Variants in ATP6V1C2 observed in about 807,000 individuals in gnomAD.
The protein encoded by ATP6V1C2 is ATPase H+ transporting V1 subunit C2, also known as V-type proton ATPase subunit C 2.
Under a neutral mutation model 56.8 loss-of-function variants are expected in ATP6V1C2, and 45 were observed. The ratio of observed to expected loss-of-function variants is 0.79; its 90% CI spans 0.62 to 1.02. ATP6V1C2 has a LOEUF of 1.02. ATP6V1C2 is among the 50% of genes least tolerant of loss of function. The pLI is 0.00. For missense variants in ATP6V1C2, 463 were observed against 519.7 expected (o/e 0.89, Z 1.06); for synonymous variants, 220 against 201.3 (o/e 1.09, Z -0.79).
At chr2:10,743,407 A>G (rs547435664) in intron 3 of ATP6V1C2, among the ~76,000 whole-genome samples, 13 of 149,826 alleles carry the variant, frequency 8.7e-5, no homozygotes, top group African/African-American at 3.2e-4. Flanking sequence ...ACCTGATCTC[A>G]TTCTGTTTTA....
rs551724657 is a variant in ATP6V1C2, at chr2:10,726,386, A to G, written c.130-116A>G. 2.8e-5 allele frequency: 23 copies of G among 828,564 alleles called. 1 individual carries two copies. Among genetic ancestry groups the G allele is most frequent in the South Asian group, 2.1e-4 (15 of 70,324 alleles). The allele number at this position is 828,564 out of a possible 1,614,324, so 51.3% of individuals were successfully genotyped here. A position where few individuals can be genotyped will look rare whatever the true frequency, so the allele number is the denominator to read the frequency against. On this transcript the variant is annotated intron_variant, in intron 2 of 13. Transcript: ENST00000272238. ...GTTTTTTCTACTTTCCACTTTGGCC[A>G]TTGACCAAGGGTGACAAATTCAAGA...
intron 4 of ATP6V1C2, among the ~76,000 whole-genome samples, chr2:10,760,467 C>A (rs1663846242): frequency 6.6e-6 from 1 of 152,182 alleles, no homozygotes; most frequent in South Asian, 2.1e-4. Context: ...GGCTTGGATG[C>A]CTGACCCAGG....
intron 2 of ATP6V1C2, among the ~76,000 whole-genome samples, chr2:10,725,489 ATTTTT>A (rs371459373): frequency 5.5e-4 from 59 of 107,142 alleles, no homozygotes; most frequent in Middle Eastern, 5.9e-3. Flanking sequence ...CCCAGCAAGA[ATTTTT>A]TTTTTTTTTT....
At chr2:10,723,698 G>A (rs939993213) in intron 2 of ATP6V1C2, among the ~76,000 whole-genome samples, 6 of 151,776 alleles carry the variant, frequency 4.0e-5, no homozygotes, top group Middle Eastern at 3.2e-3. Flanking sequence ...AAATAGCCAG[G>A]CATGGTGGCG....
chr2:10,734,327 A>C lies in ATP6V1C2; in HGVS notation c.197+7758A>C, dbSNP rs530883061. 2.6e-5 allele frequency among the ~76,000 whole-genome samples: 4 copies of C among 152,004 alleles called. No homozygotes were observed. The East Asian group carries it at 7.7e-4, about 29-fold the overall frequency. The stretch of plus-strand genomic sequence containing the variant: ...TCCCACACCCTCTACCATCACACTC[A>C]CAGATTTACCCTCTCTAACACACCC... On this transcript the variant is annotated intron_variant, in intron 3 of 13. Transcript: ENST00000272238.
chr2:10,737,667 G>T (rs1662328469), intron 3 of ATP6V1C2, among the ~76,000 whole-genome samples: 1 of 152,048 alleles, frequency 6.6e-6, no homozygotes, highest in Admixed American at 6.6e-5. Context: ...TGCCCTTACG[G>T]GATACAGAAA....
intron 3 of ATP6V1C2, among the ~76,000 whole-genome samples, chr2:10,729,016 G>T (rs572723796): frequency 2.1e-4 from 31 of 149,734 alleles, no homozygotes; most frequent in Admixed American, 3.3e-4. Context: ...TGTAATCCCA[G>T]CTACTCGGGA....
At chr2:10,766,775 T>C (rs932977994) in intron 5 of ATP6V1C2, among the ~76,000 whole-genome samples, 2 of 152,152 alleles carry the variant, frequency 1.3e-5, no homozygotes, top group African/African-American at 2.4e-5. Flanking sequence ...TATAGTTGTA[T>C]AGTTGCATAA....
chr2:10,755,223 A>G (rs1260046363), intron 4 of ATP6V1C2, among the ~76,000 whole-genome samples: 1 of 151,664 alleles, frequency 6.6e-6, no homozygotes, highest in Non-Finnish European at 1.5e-5. Flanking sequence ...TTTAGTAGAG[A>G]CGGGGTTTCT....
chr2:10,782,440 A>G, intron 13 of ATP6V1C2, 65 bp downstream of exon 13: 1 of 1,570,602 alleles, frequency 6.4e-7, no homozygotes, highest in Non-Finnish European at 8.7e-7. Context: ...AAAAACTGGT[A>G]TCTGCCTGTA....
chr2:10,752,872 T>C (rs1216152812), intron 3 of ATP6V1C2, among the ~76,000 whole-genome samples: 2 of 152,146 alleles, frequency 1.3e-5, no homozygotes, highest in African/African-American at 2.4e-5. Context: ...GGTGGGCCTC[T>C]GTAATCCCCG....
At chr2:10,733,637 A>T (rs1662084769) in intron 3 of ATP6V1C2, among the ~76,000 whole-genome samples, 1 of 110,292 alleles carries the variant, frequency 9.1e-6, no homozygotes, top group Non-Finnish European at 1.7e-5. Context: ...CTATTATCTT[A>T]AAAAAAAAAA....
rs772213749 is a variant in ATP6V1C2, at chr2:10,722,855, G to T, written c.6G>T (p.Ser2=). The change falls in exon 2 of 14, where the codon TCG becomes TCT. Residue 2 remains serine (S), a synonymous_variant. Coordinates refer to ENST00000272238, the MANE Select transcript of ATP6V1C2 (RefSeq NM_001039362.2). M[S]EFWLISAPGD... is the part of the protein sequence containing the mutation. ...GGTAAGAGAAGACTGGAAGCATGTC[G>T]GAGTTTTGGTTAATTTCTGCCCCTG... 6 of 1,614,022 alleles carry T rather than the reference G, an allele frequency of 3.7e-6. No homozygotes were observed. In the South Asian group the frequency reaches 6.6e-5, roughly 18 times the overall value.
intron 3 of ATP6V1C2, among the ~76,000 whole-genome samples, chr2:10,734,049 T>C (rs1320036408): frequency 2.6e-5 from 4 of 152,196 alleles, no homozygotes; most frequent in African/African-American, 9.6e-5. Context: ...TCTCTGTTGG[T>C]GGAAGAATGT....
Position 10,778,666 on chromosome 2 carries a change from T to G in ATP6V1C2, c.1058T>G (p.Leu353Arg). 4 of 1,614,140 alleles carry G rather than the reference T, an allele frequency of 2.5e-6. No homozygotes were observed. Among genetic ancestry groups the G allele is most frequent in the Non-Finnish European group, 3.4e-6 (4 of 1,179,982 alleles). ...CTGAGAGTGTTTGTGGAGTCCGTGC[T>G]CAGGTGCGTGGCAGTGATGCCCCGG... ...KALRVFVESV[L>R]RYGLPVNFQA... The change falls in exon 12 of 14, where the codon CTC becomes CGC. Residue 353 changes from leucine (L) to arginine (R), a missense_variant. Physicochemically the swap from Leu to Arg is moderately radical, Grantham distance 102 (BLOSUM62 -2). Transcript: ENST00000272238.
chr2:10,735,464 C>T (rs184218060), intron 3 of ATP6V1C2, among the ~76,000 whole-genome samples: 220 of 152,294 alleles, frequency 1.4e-3, no homozygotes, highest in African/African-American at 5.1e-3. Context: ...TGAACTGCCA[C>T]GCCCAGCCTT....
intron 3 of ATP6V1C2, among the ~76,000 whole-genome samples, chr2:10,751,774 C>T (rs1414551904): frequency 6.6e-6 from 1 of 152,148 alleles, no homozygotes; most frequent in Admixed American, 6.6e-5. Flanking sequence ...TTGATACTTG[C>T]TCGACTCCAC....
chr2:10,722,290 A>AC (rs1193187945), intron 1 of ATP6V1C2, among the ~76,000 whole-genome samples: 1 of 149,416 alleles, frequency 6.7e-6, no homozygotes, highest in Non-Finnish European at 1.5e-5. Flanking sequence ...AGTTCCCCTC[A>AC]CCCCCTACTA....
rs1308664715 is a variant in ATP6V1C2, at chr2:10,763,861, A to T, written c.284-470A>T. 3.3e-5 allele frequency among the ~76,000 whole-genome samples: 5 copies of T among 152,124 alleles called. No individual in the cohort carries two copies. Among genetic ancestry groups the T allele is most frequent in the Non-Finnish European group, 7.4e-5 (5 of 68,018 alleles). ...TCAGTGTTGCTTCTTTCTGACTTCA[A>T]TTCTGGGGCTCTCTCCACCCCACAC... On this transcript the variant is annotated intron_variant, in intron 4 of 13. Transcript: ENST00000272238. The surrounding 1 kb of genome is among the most constrained non-coding windows in gnomAD (Gnocchi z 4.2).
Sources: allele counts gnomAD v4.1 joint callset (sites outside exome capture counted in the v4.1 genomes callset), GRCh38; gene constraint gnomAD v4.1.1; non-coding constraint Gnocchi (gnomAD v3.1); transcripts MANE v1.5; gene names NCBI Gene and HGNC (gene_info 2026-07-23, HGNC 2026-07-21).